Variants in PIP4K2A observed in about 807,000 individuals in gnomAD.
PIP4K2A encodes the protein phosphatidylinositol-5-phosphate 4-kinase type 2 alpha.
In PIP4K2A, 14 loss-of-function variants were observed where a neutral mutation model predicts 42.9. The observed-to-expected ratio is 0.33, with a 90% CI of 0.22 to 0.51. The LOEUF is 0.51. PIP4K2A is among the 20% of genes least tolerant of loss of function. The pLI is 0.97. For missense variants in PIP4K2A, 434 were observed against 519.8 expected (o/e 0.83, Z 1.61); for synonymous variants, 192 against 192.2 (o/e 1.00, Z 0.01).
chr10:22,576,565 G>C (rs772093416), intron 4 of PIP4K2A, among the ~76,000 whole-genome samples: 5 of 152,120 alleles, frequency 3.3e-5, no homozygotes, highest in Non-Finnish European at 5.9e-5. Flanking sequence ...GTCCAGCTCC[G>C]TGTTCATTAC....
At chr10:22,562,044 T>C (rs1182562842) in intron 6 of PIP4K2A, among the ~76,000 whole-genome samples, 5 of 152,172 alleles carry the variant, frequency 3.3e-5, no homozygotes, top group Non-Finnish European at 5.9e-5. Flanking sequence ...ATTGTTTTGA[T>C]AGCATTTAGT....
At chr10:22,583,241 G>C (rs1024031221) in intron 4 of PIP4K2A, among the ~76,000 whole-genome samples, 2 of 152,206 alleles carry the variant, frequency 1.3e-5, no homozygotes, top group African/African-American at 2.4e-5. Flanking sequence ...GCTGCTCCAC[G>C]TATGACCGCT....
chr10:22,602,045 T>C (rs970611356), intron 3 of PIP4K2A, among the ~76,000 whole-genome samples: 2 of 152,186 alleles, frequency 1.3e-5, no homozygotes, highest in African/African-American at 4.8e-5. Flanking sequence ...GCCTCCTGAT[T>C]TCCTTATCTC....
intron 1 of PIP4K2A, among the ~76,000 whole-genome samples, chr10:22,649,745 A>AAG (rs1284003640): frequency 6.6e-6 from 1 of 152,226 alleles, no homozygotes; most frequent in Non-Finnish European, 1.5e-5. Context: ...TTTACTCAGT[A>AAG]AGAGGGATGG....
At chr10:22,539,550 G>A (rs1342296612) in intron 9 of PIP4K2A, 2 of 164,626 alleles carry the variant, frequency 1.2e-5, no homozygotes, top group African/African-American at 4.8e-5. Context: ...TTTCATATTA[G>A]AACACTTCAT....
chr10:22,664,170 T>TATATATAC lies in PIP4K2A; in HGVS notation c.144+50012_144+50013insGTATATAT, dbSNP rs1839293168. Among the ~76,000 whole-genome samples the TATATATAC allele has an allele frequency of 3.1e-4, 19 of 61,818 alleles. 2 individuals are homozygous for TATATATAC. Among genetic ancestry groups the TATATATAC allele is most frequent in the African/African-American group, 4.9e-4 (4 of 8,096 alleles). 40.6% of individuals were successfully genotyped at this position (61,818 alleles called of 152,430 possible). On this transcript the variant is annotated intron_variant, in intron 1 of 9. Coordinates refer to ENST00000376573, the MANE Select transcript of PIP4K2A (RefSeq NM_005028.5). ...ATATATACACATATATATATATACATATATATATATACATATATATACATA... is the reference window on the plus strand; with the variant it reads ...ATATATACACATATATATATATACATATATATACATATATATATACATATATATACATA...
chr10:22,664,360 C>T (rs1290430250), intron 1 of PIP4K2A, among the ~76,000 whole-genome samples: 1 of 149,534 alleles, frequency 6.7e-6, no homozygotes, highest in Non-Finnish European at 1.5e-5. Flanking sequence ...ACATGGATAA[C>T]TACTGTGACT....
chr10:22,580,576 GGT>G (rs1837249159), intron 4 of PIP4K2A, among the ~76,000 whole-genome samples: 16 of 152,064 alleles, frequency 1.1e-4, no homozygotes, highest in African/African-American at 3.6e-4. Flanking sequence ...TATTTGACCC[GGT>G]CATTCTCTTC....
intron 6 of PIP4K2A, among the ~76,000 whole-genome samples, chr10:22,555,049 A>G (rs1836501833): frequency 6.6e-6 from 1 of 152,222 alleles, no homozygotes; most frequent in African/African-American, 2.4e-5. Context: ...AGCCACAGGC[A>G]TCAGCAGAGG....
intron 1 of PIP4K2A, among the ~76,000 whole-genome samples, chr10:22,685,195 T>C (rs1019304393): frequency 1.3e-5 from 2 of 152,148 alleles, no homozygotes; most frequent in African/African-American, 2.4e-5. Flanking sequence ...GCATAAGAGA[T>C]TATATCCAGA....
intron 1 of PIP4K2A, among the ~76,000 whole-genome samples, chr10:22,669,065 T>G (rs2130855430): frequency 6.6e-6 from 1 of 152,340 alleles, no homozygotes; most frequent in Admixed American, 6.5e-5. Context: ...CTAAGAACAC[T>G]ACATTCACAA....
intron 6 of PIP4K2A, among the ~76,000 whole-genome samples, chr10:22,561,450 A>C (rs903239612): frequency 3.9e-5 from 6 of 152,222 alleles, no homozygotes; most frequent in African/African-American, 1.4e-4. Context: ...ACTTGTCATC[A>C]ACAAGTTAAA....
Position 22,623,554 on chromosome 10 carries a change from C to G in PIP4K2A, c.145-13837G>C, listed in dbSNP as rs560711632. ...CTCAGTCCAATGTGAGCGTCATGAG[C>G]TGTATATTGGAAGGGAGGTACCCCC... On this transcript the variant is annotated intron_variant, in intron 1 of 9. Coordinates refer to ENST00000376573, the MANE Select transcript of PIP4K2A (RefSeq NM_005028.5). Among the ~76,000 whole-genome samples the G allele has an allele frequency of 1.1e-3, 171 of 149,754 alleles. 2 individuals are homozygous for G. The highest frequency in any genetic ancestry group is 4.0e-3 in the African/African-American group (161 of 39,844).
intron 1 of PIP4K2A, among the ~76,000 whole-genome samples, chr10:22,708,582 AATCT>A (rs1431436250): frequency 1.3e-5 from 2 of 152,044 alleles, no homozygotes; most frequent in African/African-American, 4.8e-5. Context: ...CAAATTCTCT[AATCT>A]ATCATGGGGC....
At chr10:22,564,771 A>G (rs1281145482) in intron 6 of PIP4K2A, among the ~76,000 whole-genome samples, 1 of 152,164 alleles carries the variant, frequency 6.6e-6, no homozygotes, top group Non-Finnish European at 1.5e-5. Context: ...AGAAGCCTCC[A>G]CCATTTTCTT....
chr10:22,710,777 C>G (rs368285419), intron 1 of PIP4K2A, among the ~76,000 whole-genome samples: 10 of 152,178 alleles, frequency 6.6e-5, no homozygotes, highest in Admixed American at 6.5e-4. Context: ...TACTTAGCTA[C>G]TTCTAAATGC....
intron 1 of PIP4K2A, among the ~76,000 whole-genome samples, chr10:22,687,536 C>T (rs900284066): frequency 2.0e-5 from 3 of 151,918 alleles, no homozygotes; most frequent in Middle Eastern, 3.4e-3. Context: ...TTACTCGTTA[C>T]GAAAGCAGAC....
At chr10:22,611,811 A>G (rs1222572211) in intron 1 of PIP4K2A, among the ~76,000 whole-genome samples, 1 of 152,274 alleles carries the variant, frequency 6.6e-6, no homozygotes, top group Non-Finnish European at 1.5e-5. Context: ...TAATAAACAC[A>G]ATGCGAATGA....
chr10:22,663,862 TCCC>T lies in PIP4K2A; in HGVS notation c.144+50318_144+50320del, dbSNP rs771825635. ...TCTCACTGTTGTGCATTCACAATTTTCCCCCCATTTTGGCCATTATCAACAGAG... is the reference window on the plus strand; with the variant it reads ...TCTCACTGTTGTGCATTCACAATTTTCCCATTTTGGCCATTATCAACAGAG... On this transcript the variant is annotated intron_variant, in intron 1 of 9. Transcript: ENST00000376573. Among the ~76,000 whole-genome samples the T allele has an allele frequency of 9.3e-5, 14 of 151,082 alleles. No homozygotes were observed. The East Asian group carries it at 2.3e-3, about 25-fold the overall frequency.
Sources: gnomAD v4.1 joint callset for allele counts (sites outside exome capture counted in the v4.1 genomes callset) on GRCh38, gnomAD v4.1.1 for gene constraint, MANE v1.5 for transcripts, NCBI Gene and HGNC (gene_info 2026-07-23, HGNC 2026-07-21) for gene names.